EIF3K: variants seen among roughly 807,000 people sequenced by gnomAD.
EIF3K encodes the protein eukaryotic translation initiation factor 3 subunit K, also known as eIF-3 p28.
Under a neutral mutation model 34.2 loss-of-function variants are expected in EIF3K, and 27 were observed. The observed-to-expected ratio is 0.79, with a 90% CI of 0.58 to 1.09. The LOEUF is 1.09. Among genes scored for constraint, EIF3K ranks in the 50% least tolerant of loss-of-function variants. The pLI, the probability that EIF3K is intolerant of heterozygous loss-of-function variation, is 0.00. For missense variants in EIF3K, 232 were observed against 275.4 expected (o/e 0.84, Z 1.11); for synonymous variants, 105 against 105.7 (o/e 0.99, Z 0.04).
chr19:38,619,336 C>G lies in EIF3K; in HGVS notation c.59+9C>G, dbSNP rs374142497. The G allele has an allele frequency of 2.5e-6, 4 of 1,613,422 alleles. No individual in the cohort carries two copies. In the African/African-American group the frequency reaches 4.0e-5, roughly 16 times the overall value. On this transcript the variant is annotated intron_variant, in intron 1 of 7. Coordinates refer to ENST00000248342, the MANE Select transcript of EIF3K (RefSeq NM_013234.4). ...CTCAAGGGTATCGACAGGTCTGAGCCCGGTTGGAGGAAGCGCTCTGGCCAA... is the reference window on the plus strand; with the variant it reads ...CTCAAGGGTATCGACAGGTCTGAGCGCGGTTGGAGGAAGCGCTCTGGCCAA...
chr19:38,627,905 C>CTTTTTTTTTTTTT (rs60551864), intron 4 of EIF3K, among the ~76,000 whole-genome samples: 1 of 140,250 alleles, frequency 7.1e-6, no homozygotes, highest in Non-Finnish European at 1.5e-5. Context: ...ATTTTCTTTC[C>CTTTTTTTTTTTTT]TTTTTTTTTT....
chr19:38,620,479 G>T, intron 2 of EIF3K, 44 bp downstream of exon 2: 1 of 1,556,548 alleles, frequency 6.4e-7, no homozygotes, highest in Non-Finnish European at 8.8e-7. Context: ...GCAGCAACTA[G>T]CAGGGTGCCA....
At chr19:38,627,910 T>C (rs1224964050) in intron 4 of EIF3K, among the ~76,000 whole-genome samples, 2 of 151,102 alleles carry the variant, frequency 1.3e-5, no homozygotes, top group African/African-American at 4.9e-5. Context: ...CTTTCCTTTT[T>C]TTTTTTTTGT....
chr19:38,627,312 T>C (rs1975970290), intron 4 of EIF3K, among the ~76,000 whole-genome samples: 1 of 151,974 alleles, frequency 6.6e-6, no homozygotes, highest in Non-Finnish European at 1.5e-5. Context: ...GAAGTGTGTG[T>C]GTCGTCACTT....
At chr19:38,631,501 G>T (rs888619574) in intron 4 of EIF3K, among the ~76,000 whole-genome samples, 1 of 152,178 alleles carries the variant, frequency 6.6e-6, no homozygotes, top group African/African-American at 2.4e-5. Flanking sequence ...TGCTGCCCGC[G>T]TGTCCCACCT....
chr19:38,628,047 G>A (rs951084724), intron 4 of EIF3K, among the ~76,000 whole-genome samples: 6 of 152,094 alleles, frequency 3.9e-5, no homozygotes, highest in African/African-American at 1.4e-4. Flanking sequence ...TGGGACTACA[G>A]GCATGCACCA....
At chr19:38,628,167 G>A (rs1017240679) in intron 4 of EIF3K, among the ~76,000 whole-genome samples, 2 of 152,178 alleles carry the variant, frequency 1.3e-5, no homozygotes, top group Admixed American at 6.5e-5. Context: ...GCCTTCCAAA[G>A]TGCTGGGACT....
chr19:38,621,437 G>C (rs1434631722), intron 2 of EIF3K, among the ~76,000 whole-genome samples: 1 of 152,134 alleles, frequency 6.6e-6, no homozygotes, highest in African/African-American at 2.4e-5. Flanking sequence ...GTTAATTACA[G>C]AACACATGTA....
chr19:38,621,831 C>T (rs1262170572), intron 2 of EIF3K, among the ~76,000 whole-genome samples: 1 of 151,392 alleles, frequency 6.6e-6, no homozygotes, highest in African/African-American at 2.4e-5. Context: ...TATAGCTCTC[C>T]ACTGTGTCAC....
rs796072551 is a variant in EIF3K, at chr19:38,630,324, T to TTTAA, written c.355-2102_355-2099dup. ...TTCAGGCATCCACCACCACACCCGG[T>TTTAA]TTAATTATTTATTTATTTATTTATT... On this transcript the variant is annotated intron_variant, in intron 4 of 7. Coordinates refer to ENST00000248342, the MANE Select transcript of EIF3K (RefSeq NM_013234.4). Among the ~76,000 whole-genome samples the TTTAA allele has an allele frequency of 1.4e-4, 21 of 149,732 alleles. 1 individual carries two copies. Among genetic ancestry groups the TTTAA allele is most frequent in the African/African-American group, 4.7e-4 (19 of 40,442 alleles).
At chr19:38,620,272 C>T in intron 1 of EIF3K, 65 bp from the exon 2 acceptor site, 1 of 1,405,754 alleles carries the variant, frequency 7.1e-7, no homozygotes, top group Non-Finnish European at 9.9e-7. Context: ...TGGCCCCTTG[C>T]TCCATAAGGT....
intron 6 of EIF3K, among the ~76,000 whole-genome samples, chr19:38,634,502 G>A (rs922495442): frequency 2.0e-5 from 3 of 151,820 alleles, no homozygotes; most frequent in African/African-American, 7.3e-5. Flanking sequence ...GGAGGCTGAG[G>A]CAGGAGAATT....
intron 3 of EIF3K, among the ~76,000 whole-genome samples, chr19:38,625,193 C>G (rs183134089): frequency 2.1e-4 from 32 of 151,858 alleles, no homozygotes; most frequent in African/African-American, 7.5e-4. Context: ...GAGACGGAGC[C>G]TTGCTCTGTC....
chr19:38,628,200 G>A (rs535605535), intron 4 of EIF3K, among the ~76,000 whole-genome samples: 91 of 151,668 alleles, frequency 6.0e-4, no homozygotes, highest in African/African-American at 2.2e-3. Context: ...CACCACGCCC[G>A]GACCTCTGAG....
intron 1 of EIF3K, among the ~76,000 whole-genome samples, 190 bp downstream of exon 1, chr19:38,619,517 T>A (rs1022551959): frequency 1.6e-4 from 24 of 152,116 alleles, no homozygotes; most frequent in African/African-American, 5.8e-4. Flanking sequence ...ATCCTAGCAC[T>A]TTGGGAGGCC....
chr19:38,633,887 C>T (rs1014745551), intron 6 of EIF3K, among the ~76,000 whole-genome samples: 1 of 151,382 alleles, frequency 6.6e-6, no homozygotes, highest in East Asian at 2.0e-4. Context: ...GCAGGAGAAC[C>T]GCTTGAGCCC....
intron 3 of EIF3K, 142 bp downstream of exon 3, chr19:38,624,339 T>G (rs566761982): frequency 7.5e-7 from 1 of 1,326,590 alleles, no homozygotes; most frequent in Admixed American, 2.4e-5. Context: ...TGCTGGACAG[T>G]GCTGGGACAC....
At chr19:38,622,756 G>T (rs569799288) in intron 2 of EIF3K, among the ~76,000 whole-genome samples, 1 of 152,176 alleles carries the variant, frequency 6.6e-6, no homozygotes, top group African/African-American at 2.4e-5. Flanking sequence ...GGTACGCCCC[G>T]GGGGGCCCGT....
rs1975786644 is a variant in EIF3K at position 38,619,408 on chromosome 19, G to C, written c.59+81G>C. On this transcript the variant is annotated intron_variant, in intron 1 of 7. Coordinates refer to ENST00000248342, the MANE Select transcript of EIF3K (RefSeq NM_013234.4). ...TCCGGAGACAGCAAGGGGTGTTCAGGGTCCTGGGCTTGCCGCGGGGTGGGG... is the reference window on the plus strand; with the variant it reads ...TCCGGAGACAGCAAGGGGTGTTCAGCGTCCTGGGCTTGCCGCGGGGTGGGG... 2.0e-6 allele frequency: 3 copies of C among 1,520,798 alleles called. No individual in the cohort carries two copies. The South Asian group carries it at 3.5e-5, about 18-fold the overall frequency. The allele number at this position is 1,520,798 out of a possible 1,614,324, so 94.2% of individuals were successfully genotyped here.
Sources: gnomAD v4.1 joint callset for allele counts (sites outside exome capture counted in the v4.1 genomes callset) on GRCh38, gnomAD v4.1.1 for gene constraint, MANE v1.5 for transcripts, NCBI Gene and HGNC (gene_info 2026-07-23, HGNC 2026-07-21) for gene names.